Variants in DRC11 observed in about 807,000 individuals in gnomAD.
The protein encoded by DRC11 is IQ and AAA domain-containing protein 1.
At chr2:236,369,955 G>A in the DRC11 span, among the ~76,000 whole-genome samples, 1 of 152,208 alleles carries the variant, frequency 6.6e-6, no homozygotes, top group African/African-American at 2.4e-5. This position sits in a 1 kb window ranked among gnomAD's most constrained non-coding sequence, Gnocchi z 4.5. Flanking sequence ...AACAGCGGCT[G>A]CACGACAGGT....
chr2:236,313,056 C>G, the DRC11 span, among the ~76,000 whole-genome samples: 1 of 152,074 alleles, frequency 6.6e-6, no homozygotes, highest in Non-Finnish European at 1.5e-5. The surrounding 1 kb of genome is among the most constrained non-coding windows in gnomAD (Gnocchi z 4.5). Context: ...CCTTTCTATA[C>G]AGATGGATTT....
chr2:236,441,809 T>A, the DRC11 span, among the ~76,000 whole-genome samples: 1 of 152,220 alleles, frequency 6.6e-6, no homozygotes, highest in Non-Finnish European at 1.5e-5. Flanking sequence ...GTGACCACCA[T>A]GTTTAAAATG....
At chr2:236,359,199 CTATATATAG>C in the DRC11 span, among the ~76,000 whole-genome samples, 1 of 151,452 alleles carries the variant, frequency 6.6e-6, no homozygotes, top group South Asian at 2.1e-4. This position sits in a 1 kb window ranked among gnomAD's most constrained non-coding sequence, Gnocchi z 4.3. Flanking sequence ...CCCTAGTAGA[CTATATATAG>C]TAGACTATAT....
the DRC11 span, among the ~76,000 whole-genome samples, chr2:236,488,862 TTGAGG>T: frequency 6.6e-6 from 1 of 152,226 alleles, no homozygotes; most frequent in African/African-American, 2.4e-5. Flanking sequence ...GTGTCATTTT[TTGAGG>T]AAAGAGGGAC....
At chr2:236,339,962 A>G in the DRC11 span, among the ~76,000 whole-genome samples, 2 of 152,240 alleles carry the variant, frequency 1.3e-5, no homozygotes, top group Non-Finnish European at 1.5e-5. Flanking sequence ...TGGGAATTGC[A>G]TTGAATATGT....
the DRC11 span, among the ~76,000 whole-genome samples, chr2:236,312,798 G>C: frequency 3.3e-5 from 5 of 151,862 alleles, no homozygotes; most frequent in Admixed American, 6.6e-5. Context: ...ATAAAGCCCT[G>C]ATGAAACTGA....
the DRC11 span, chr2:236,408,257 C>T: frequency 2.3e-6 from 2 of 853,058 alleles, no homozygotes; most frequent in South Asian, 2.6e-5. The surrounding 1 kb of genome is among the most constrained non-coding windows in gnomAD (Gnocchi z 5.5). Flanking sequence ...TGATGGTAGC[C>T]TTTCTGCCCA....
chr2:236,483,090 A>T, the DRC11 span, among the ~76,000 whole-genome samples: 1 of 152,144 alleles, frequency 6.6e-6, no homozygotes, highest in South Asian at 2.1e-4. This position sits in a 1 kb window ranked among gnomAD's most constrained non-coding sequence, Gnocchi z 4.8. Flanking sequence ...TTCTGCCCTC[A>T]TGAGTTTGAC....
chr2:236,434,634 A>C, the DRC11 span, among the ~76,000 whole-genome samples: 11 of 151,814 alleles, frequency 7.2e-5, no homozygotes, highest in Non-Finnish European at 1.6e-4. This position sits in a 1 kb window ranked among gnomAD's most constrained non-coding sequence, Gnocchi z 5.5. Flanking sequence ...TGCCGTTCTG[A>C]CTCTTCAATC....
chr2:236,497,129 A>C, the DRC11 span: 4 of 1,501,624 alleles, frequency 2.7e-6, no homozygotes, highest in South Asian at 3.8e-5. This position sits in a 1 kb window ranked among gnomAD's most constrained non-coding sequence, Gnocchi z 5.1. Flanking sequence ...ATAACAAAAA[A>C]AAGCAACTAA....
At chr2:236,417,572 T>A in the DRC11 span, among the ~76,000 whole-genome samples, 27 of 151,626 alleles carry the variant, frequency 1.8e-4, no homozygotes, top group Non-Finnish European at 3.7e-4. Context: ...TTTTTTTTTT[T>A]TATATTACTT....
chr2:236,464,712 GC>G, the DRC11 span, among the ~76,000 whole-genome samples: 1 of 152,162 alleles, frequency 6.6e-6, no homozygotes. Flanking sequence ...TGGAGGTGGA[GC>G]CTGGTGGGAG....
chr2:236,491,163 A>ATATATATATATACACAG, the DRC11 span, among the ~76,000 whole-genome samples: 83 of 75,032 alleles, frequency 1.1e-3, 3 homozygotes, highest in Middle Eastern at 6.1e-3. Flanking sequence ...CACACAGTAT[A>ATATATATATATACACAG]TATATATATA....
At chr2:236,463,611 G>C in the DRC11 span, among the ~76,000 whole-genome samples, 1 of 152,186 alleles carries the variant, frequency 6.6e-6, no homozygotes, top group African/African-American at 2.4e-5. This position sits in a 1 kb window ranked among gnomAD's most constrained non-coding sequence, Gnocchi z 5.0. Context: ...TTATTGAGGA[G>C]ATAGTGTATT....
At chr2:236,464,878 C>T in the DRC11 span, among the ~76,000 whole-genome samples, 10 of 152,276 alleles carry the variant, frequency 6.6e-5, no homozygotes, top group East Asian at 1.2e-3. Flanking sequence ...TGCCATTTGA[C>T]GTGCCTTCTC....
At chr2:236,357,607 A>G in the DRC11 span, among the ~76,000 whole-genome samples, 3 of 124,690 alleles carry the variant, frequency 2.4e-5, no homozygotes, top group South Asian at 2.4e-4. Context: ...ATGTAAATAT[A>G]TATTTATAAA....
At chr2:236,316,052 G>T in the DRC11 span, among the ~76,000 whole-genome samples, 1 of 151,998 alleles carries the variant, frequency 6.6e-6, no homozygotes, top group East Asian at 1.9e-4. The surrounding 1 kb of genome is among the most constrained non-coding windows in gnomAD (Gnocchi z 6.8). Context: ...TCTTGAGGTA[G>T]GCAAAGAACT....
the DRC11 span, among the ~76,000 whole-genome samples, chr2:236,370,488 C>T: frequency 6.6e-6 from 1 of 152,094 alleles, no homozygotes; most frequent in African/African-American, 2.4e-5. This position sits in a 1 kb window ranked among gnomAD's most constrained non-coding sequence, Gnocchi z 5.5. Flanking sequence ...GAGCAGCGGG[C>T]ATCCAGCCCC....
chr2:236,459,534 C>CGTATACGTATACATGTATACAT, the DRC11 span, among the ~76,000 whole-genome samples: 1 of 70,096 alleles, frequency 1.4e-5, no homozygotes, highest in Non-Finnish European at 3.1e-5. Flanking sequence ...TACATGTATA[C>CGTATACGTATACATGTATACAT]GTATACGTAT....
Sources: allele counts gnomAD v4.1 joint callset (sites outside exome capture counted in the v4.1 genomes callset), GRCh38; gene constraint gnomAD v4.1.1; non-coding constraint Gnocchi (gnomAD v3.1); transcripts MANE v1.5; gene names NCBI Gene and HGNC (gene_info 2026-07-23, HGNC 2026-07-21).